Variants in PKP4 observed in about 807,000 individuals in gnomAD.
PKP4 encodes plakophilin 4.
PKP4 carries 90 observed loss-of-function variants against 145.1 expected under a neutral mutation model. The ratio of observed to expected loss-of-function variants is 0.62; its 90% CI spans 0.52 to 0.74. The LOEUF is 0.74. Ranked by LOEUF, PKP4 falls within the 30% of genes least tolerant of loss-of-function variation. The pLI, the probability that PKP4 is intolerant of heterozygous loss-of-function variation, is 0.00. For missense variants in PKP4, 1,340 were observed against 1,482.7 expected (o/e 0.90, Z 1.58); for synonymous variants, 563 against 577.2 (o/e 0.98, Z 0.35).
At chr2:158,471,107 C>G (rs1215953568) in intron 1 of PKP4, among the ~76,000 whole-genome samples, 1 of 152,174 alleles carries the variant, frequency 6.6e-6, no homozygotes, top group African/African-American at 2.4e-5. Context: ...AGGAATCTCT[C>G]AGAGCCTTGG....
At chr2:158,516,081 TAATA>T (rs1295333011) in intron 1 of PKP4, among the ~76,000 whole-genome samples, 18 of 150,418 alleles carry the variant, frequency 1.2e-4, no homozygotes, top group African/African-American at 4.4e-4. Flanking sequence ...GGTCTCTGGT[TAATA>T]AATGTTGAGA....
intron 12 of PKP4, chr2:158,659,285 C>A (rs1225226191): frequency 6.6e-6 from 1 of 152,222 alleles, no homozygotes; most frequent in Non-Finnish European, 1.5e-5. Flanking sequence ...ATTCAGATGC[C>A]CACATCTCAG....
rs565630272 is a variant in PKP4 at position 158,662,808 on chromosome 2, A to T, written c.2212-89A>T. On this transcript the variant is annotated intron_variant, in intron 13 of 21. Transcript: ENST00000389759. Reference sequence around the variant, plus strand: ...AAAAAGTAGTTCTTTCATATTTCCCATTTATTTCCTGTCTGTAGTGTTCAG... The same window carrying T: ...AAAAAGTAGTTCTTTCATATTTCCCTTTTATTTCCTGTCTGTAGTGTTCAG... 3 of 953,150 alleles carry T rather than the reference A, an allele frequency of 3.1e-6. No individual in the cohort carries two copies. In the South Asian group the frequency reaches 7.2e-5, roughly 23 times the overall value. 59.0% of individuals were successfully genotyped at this position (953,150 alleles called of 1,614,324 possible).
intron 1 of PKP4, among the ~76,000 whole-genome samples, chr2:158,521,390 T>A (rs566821328): frequency 6.6e-6 from 1 of 152,344 alleles, no homozygotes; most frequent in African/African-American, 2.4e-5. Context: ...TAATTTTTTT[T>A]ACCAGATTAT....
At chr2:158,616,061 T>C (rs2051575824) in intron 4 of PKP4, among the ~76,000 whole-genome samples, 1 of 152,208 alleles carries the variant, frequency 6.6e-6, no homozygotes, top group South Asian at 2.1e-4. Context: ...TATAGTAGCT[T>C]ATATTTGAAT....
intron 2 of PKP4, among the ~76,000 whole-genome samples, chr2:158,562,485 G>T (rs1464760959): frequency 6.6e-6 from 1 of 152,170 alleles, no homozygotes; most frequent in African/African-American, 2.4e-5. Context: ...CCAGAGGCTG[G>T]GTAGAAGAGG....
At chr2:158,470,349 C>T (rs1305778082) in intron 1 of PKP4, among the ~76,000 whole-genome samples, 1 of 152,200 alleles carries the variant, frequency 6.6e-6, no homozygotes, top group Non-Finnish European at 1.5e-5. Flanking sequence ...CTTAATTACT[C>T]TCCTTCCTGA....
chr2:158,547,750 C>T (rs983001967), intron 2 of PKP4, among the ~76,000 whole-genome samples: 5 of 152,180 alleles, frequency 3.3e-5, no homozygotes, highest in African/African-American at 1.2e-4. Context: ...ACTAGATTAT[C>T]GGCTTCCATA....
intron 9 of PKP4, among the ~76,000 whole-genome samples, chr2:158,636,029 G>A (rs905004174): frequency 2.0e-5 from 3 of 152,080 alleles, no homozygotes; most frequent in Admixed American, 2.0e-4. Flanking sequence ...GATCTTTACT[G>A]TATAAAAGGA....
chr2:158,510,645 T>C (rs995191921), intron 1 of PKP4, among the ~76,000 whole-genome samples: 1 of 152,220 alleles, frequency 6.6e-6, no homozygotes, highest in Non-Finnish European at 1.5e-5. Flanking sequence ...TGACACTTGC[T>C]TGTGGGCTTT....
intron 1 of PKP4, among the ~76,000 whole-genome samples, chr2:158,493,935 A>G (rs1695315542): frequency 6.6e-6 from 1 of 152,092 alleles, no homozygotes; most frequent in Admixed American, 6.5e-5. Context: ...TTGCACTACT[A>G]ATATTTCTTG....
intron 1 of PKP4, among the ~76,000 whole-genome samples, chr2:158,502,579 G>A (rs1281683838): frequency 6.6e-5 from 10 of 152,108 alleles, no homozygotes; most frequent in Admixed American, 6.5e-4. Context: ...CCTTCCATGT[G>A]GATCGCTGCA....
Position 158,482,509 on chromosome 2 carries a change from T to TA in PKP4, c.-6+25293dup, listed in dbSNP as rs1186306388. ...TGAAAGTTTTATTTCATTTATGTTT[T>TA]AACCCACGTTATCTTAAAACCTTAC... On this transcript the variant is annotated intron_variant, in intron 1 of 21. Transcript: ENST00000389759. Among the ~76,000 whole-genome samples the TA allele has an allele frequency of 3.3e-5, 5 of 152,044 alleles. No homozygotes were observed. The East Asian group carries it at 9.6e-4, about 29-fold the overall frequency.
rs373507794 is a variant in PKP4, at chr2:158,642,758, C to G, written c.1909+59C>G. On this transcript the variant is annotated intron_variant, in intron 11 of 21. Transcript: ENST00000389759. ...ATGTTGAAAACAGTCTGGACTGTGC[C>G]CTTGTATAGTGGCACTATGGAAGAG... is the stretch of plus-strand genomic sequence containing the variant. The G allele has an allele frequency of 4.1e-4, 530 of 1,283,502 alleles. 6 individuals carry two copies. In the South Asian group the frequency reaches 7.5e-3, roughly 18 times the overall value. 79.5% of individuals were successfully genotyped at this position (1,283,502 alleles called of 1,614,324 possible). A position where few individuals can be genotyped will look rare whatever the true frequency, so the allele number is the denominator to read the frequency against.
At chr2:158,594,741 G>C (rs1178460179) in intron 3 of PKP4, among the ~76,000 whole-genome samples, 1 of 152,020 alleles carries the variant, frequency 6.6e-6, no homozygotes, top group African/African-American at 2.4e-5. Context: ...AATTTGGAAG[G>C]GGTTTCAAAA....
chr2:158,680,681 C>T lies in PKP4; in HGVS notation c.*4C>T. On this transcript the variant is annotated 3_prime_UTR_variant, in exon 22 of 22. Transcript: ENST00000389759. ...GTCCCCAGACTCATGGGTGTAGCAT[C>T]AAGATGCCCAACAGAGGAACTCTTT... 1.2e-6 allele frequency: 2 copies of T among 1,601,936 alleles called. No individual in the cohort carries two copies. The highest frequency in any genetic ancestry group is 2.7e-5 in the African/African-American group (2 of 74,484).
chr2:158,619,276 C>T (rs2051960138), intron 4 of PKP4, among the ~76,000 whole-genome samples: 1 of 152,242 alleles, frequency 6.6e-6, no homozygotes, highest in South Asian at 2.1e-4. Context: ...GACAGTGACT[C>T]AGCTCATGTT....
Position 158,480,219 on chromosome 2 carries a change from AATTT to A in PKP4, c.-6+23011_-6+23014del, listed in dbSNP as rs1693133577. 2.0e-5 allele frequency among the ~76,000 whole-genome samples: 3 copies of A among 152,122 alleles called. No homozygotes were observed. In the South Asian group the frequency reaches 6.2e-4, roughly 32 times the overall value. On this transcript the variant is annotated intron_variant, in intron 1 of 21. Transcript: ENST00000389759. Reference sequence around the variant, plus strand: ...AACTCAAAATTTGCCTCCTATATGGAATTTATTTATTTAGTTATTTTTATTTTAT... The same window carrying A: ...AACTCAAAATTTGCCTCCTATATGGAATTTATTTAGTTATTTTTATTTTAT...
At chr2:158,482,044 A>C (rs1693437262) in intron 1 of PKP4, among the ~76,000 whole-genome samples, 1 of 151,842 alleles carries the variant, frequency 6.6e-6, no homozygotes. Context: ...CTCATGCCAT[A>C]ATTACGTACC....
Sources: gnomAD v4.1 joint callset for allele counts (sites outside exome capture counted in the v4.1 genomes callset) on GRCh38, gnomAD v4.1.1 for gene constraint, MANE v1.5 for transcripts, NCBI Gene and HGNC (gene_info 2026-07-23, HGNC 2026-07-21) for gene names.